Variants in CNTNAP4 observed in about 807,000 individuals in gnomAD.
CNTNAP4 encodes the protein contactin-associated protein-like 4.
Under a neutral mutation model 148.4 loss-of-function variants are expected in CNTNAP4, and 98 were observed. The ratio of observed to expected loss-of-function variants is 0.66; its 90% CI spans 0.56 to 0.78. The LOEUF (loss-of-function observed/expected upper bound fraction) is 0.78. Ranked by LOEUF, CNTNAP4 falls within the 30% of genes least tolerant of loss-of-function variation. The pLI, the probability that CNTNAP4 is intolerant of heterozygous loss-of-function variation, is 0.00. For missense variants in CNTNAP4, 1,935 were observed against 1,565.6 expected, an observed-to-expected ratio of 1.24 and a Z score of -3.98; for synonymous variants, 730 against 565.1, an observed-to-expected ratio of 1.29 and a Z score of -4.14.
chr16:76,327,158 T>C lies in CNTNAP4; in HGVS notation c.196+10635T>C, dbSNP rs553510488. On this transcript the variant is annotated intron_variant, in intron 2 of 23. Coordinates refer to ENST00000611870, the MANE Select transcript of CNTNAP4 (RefSeq NM_033401.5). The stretch of plus-strand genomic sequence containing the variant: ...GGTATGACTGAATTCGTCACCCAGG[T>C]AGTGAGCATAGTATCCGTAGGTAGG... Among the ~76,000 whole-genome samples, 6 of 152,122 alleles carry C rather than the reference T, an allele frequency of 3.9e-5. No homozygotes were observed. The South Asian group carries it at 1.2e-3, about 31-fold the overall frequency.
chr16:76,362,494 G>A (rs781421468), intron 3 of CNTNAP4, among the ~76,000 whole-genome samples: 12 of 152,080 alleles, frequency 7.9e-5, no homozygotes, highest in Non-Finnish European at 1.5e-4. Flanking sequence ...CAAAGCTAGA[G>A]ACATCACACA....
chr16:76,280,264 A>G (rs1958636348), intron 1 of CNTNAP4, among the ~76,000 whole-genome samples: 1 of 152,206 alleles, frequency 6.6e-6, no homozygotes, highest in Non-Finnish European at 1.5e-5. Context: ...CAAAACCAGT[A>G]CAGCTCAGGG....
intron 13 of CNTNAP4, 122 bp from the exon 14 acceptor site, chr16:76,494,788 A>T: frequency 9.3e-7 from 1 of 1,080,016 alleles, no homozygotes; most frequent in Non-Finnish European, 1.3e-6. Context: ...CTTAAATCCA[A>T]TCAATCTTTC....
At position 76,378,677 on chromosome 16, in the gene CNTNAP4, G is replaced by C. The variant is rs73615718; in HGVS notation, c.390+23166G>C. Among the ~76,000 whole-genome samples, 1,230 of 152,256 alleles carry C rather than the reference G, an allele frequency of 8.1e-3. 13 individuals carry two copies. The highest frequency in any genetic ancestry group is 0.027 in the African/African-American group (1,102 of 41,540). ...TGTCCAGTGTATTCTTGCAGTCTCA[G>C]CCCTGACCACACTCCAGCTTTCTAG... On this transcript the variant is annotated intron_variant, in intron 3 of 23. Transcript: ENST00000611870.
chr16:76,554,761 T>C (rs530981637), intron 23 of CNTNAP4, among the ~76,000 whole-genome samples: 24 of 152,130 alleles, frequency 1.6e-4, no homozygotes, highest in South Asian at 8.3e-4. Context: ...TGATTATTCA[T>C]ATATGAAATA....
At chr16:76,313,859 A>T (rs1961410941) in intron 1 of CNTNAP4, among the ~76,000 whole-genome samples, 1 of 152,220 alleles carries the variant, frequency 6.6e-6, no homozygotes, top group Admixed American at 6.5e-5. Flanking sequence ...AACCCTGTAT[A>T]ATTTTAAATT....
intron 2 of CNTNAP4, among the ~76,000 whole-genome samples, chr16:76,327,102 C>A (rs747288465): frequency 6.6e-6 from 1 of 152,094 alleles, no homozygotes; most frequent in Non-Finnish European, 1.5e-5. Context: ...AGGTTTGTTA[C>A]AAAGGTATAT....
At chr16:76,453,548 T>A (rs192235397) in intron 8 of CNTNAP4, among the ~76,000 whole-genome samples, 8 of 152,232 alleles carry the variant, frequency 5.3e-5, no homozygotes, top group Admixed American at 5.2e-4. Context: ...CAACTAGAGG[T>A]TGCCTTGGGG....
At chr16:76,446,633 A>G (rs1419362661) in intron 4 of CNTNAP4, among the ~76,000 whole-genome samples, 1 of 152,218 alleles carries the variant, frequency 6.6e-6, no homozygotes, top group Non-Finnish European at 1.5e-5. Flanking sequence ...ATACTACAGA[A>G]CAGACCTTAC....
chr16:76,425,196 G>A (rs62051249), intron 3 of CNTNAP4, among the ~76,000 whole-genome samples: 4,444 of 152,188 alleles, frequency 0.029, 88 homozygotes, highest in Middle Eastern at 0.071. Flanking sequence ...CAAAACAACA[G>A]CAGCAACAAT....
At chr16:76,340,976 C>G (rs1215102973) in intron 2 of CNTNAP4, among the ~76,000 whole-genome samples, 1 of 152,184 alleles carries the variant, frequency 6.6e-6, no homozygotes, top group Non-Finnish European at 1.5e-5. Context: ...TCCCATCTTT[C>G]AACAGTCAGT....
chr16:76,278,851 G>A (rs1268847810), intron 1 of CNTNAP4, among the ~76,000 whole-genome samples: 1 of 152,124 alleles, frequency 6.6e-6, no homozygotes, highest in African/African-American at 2.4e-5. Context: ...ACAAACTCAT[G>A]GGCACAAGTC....
At chr16:76,302,008 G>GC (rs908556323) in intron 1 of CNTNAP4, among the ~76,000 whole-genome samples, 22 of 152,006 alleles carry the variant, frequency 1.4e-4, no homozygotes, top group Admixed American at 9.8e-4. Context: ...CAGTTGAAAG[G>GC]CCAGTGGTCT....
intron 4 of CNTNAP4, among the ~76,000 whole-genome samples, chr16:76,436,808 G>C (rs746140350): frequency 6.6e-6 from 1 of 152,044 alleles, no homozygotes; most frequent in Non-Finnish European, 1.5e-5. Context: ...ATTAGAAGTA[G>C]AGTCCTTAGC....
chr16:76,434,019 A>ATG (rs34039445), intron 4 of CNTNAP4, among the ~76,000 whole-genome samples: 4 of 137,776 alleles, frequency 2.9e-5, no homozygotes, highest in African/African-American at 9.0e-5. Context: ...TAATATATAT[A>ATG]TGTGTGTGTG....
intron 21 of CNTNAP4, among the ~76,000 whole-genome samples, chr16:76,549,625 T>A (rs541705834): frequency 6.6e-6 from 1 of 152,094 alleles, no homozygotes; most frequent in East Asian, 1.9e-4. Context: ...TTAAGGAGAT[T>A]CTCATAAAGC....
chr16:76,363,762 C>A (rs1486546604), intron 3 of CNTNAP4, among the ~76,000 whole-genome samples: 2 of 151,994 alleles, frequency 1.3e-5, no homozygotes, highest in Non-Finnish European at 2.9e-5. Flanking sequence ...ATTAAAAAAG[C>A]ATTTGGGTTT....
intron 10 of CNTNAP4, among the ~76,000 whole-genome samples, chr16:76,470,498 A>AT (rs2081329134): frequency 1.2e-4 from 4 of 32,542 alleles, no homozygotes; most frequent in East Asian, 9.2e-4. Flanking sequence ...TATATATATA[A>AT]AATTAGTCGG....
chr16:76,491,254 G>T (rs1024453213), intron 13 of CNTNAP4, among the ~76,000 whole-genome samples: 6 of 152,118 alleles, frequency 3.9e-5, no homozygotes, highest in Non-Finnish European at 8.8e-5. Context: ...CCTCAATTCT[G>T]TGTGCAAATG....
Sources: gnomAD v4.1 joint callset for allele counts (sites outside exome capture counted in the v4.1 genomes callset) on GRCh38, gnomAD v4.1.1 for gene constraint, MANE v1.5 for transcripts, NCBI Gene and HGNC (gene_info 2026-07-23, HGNC 2026-07-21) for gene names.